CIT: variants seen among roughly 807,000 people sequenced by gnomAD.
CIT encodes citron Rho-interacting kinase.
In CIT, 79 loss-of-function variants were observed where a neutral mutation model predicts 272.7. The observed-to-expected ratio is 0.29, with a 90% CI of 0.24 to 0.35. The LOEUF (loss-of-function observed/expected upper bound fraction) is 0.35. Among genes scored for constraint, CIT ranks in the 10% least tolerant of loss-of-function variants. CIT has a pLI of 1.00. For synonymous variants in CIT, 948 were observed against 995.6 expected, an observed-to-expected ratio of 0.95 and a Z score of 0.90; for missense variants, 1,909 against 2,618.3, an observed-to-expected ratio of 0.73 and a Z score of 5.91.
intron 4 of CIT, among the ~76,000 whole-genome samples, chr12:119,853,265 A>C (rs755204915): frequency 6.6e-6 from 1 of 151,534 alleles, no homozygotes; most frequent in Non-Finnish European, 1.5e-5. Context: ...CAGAGGTTGC[A>C]GTGAGCAGAG....
At chr12:119,746,430 G>A (rs1959416385) in intron 23 of CIT, among the ~76,000 whole-genome samples, 1 of 152,172 alleles carries the variant, frequency 6.6e-6, no homozygotes. Flanking sequence ...GCCAGTCTCT[G>A]CTCTAAATGA....
chr12:119,757,864 C>T (rs1176761109), intron 21 of CIT, among the ~76,000 whole-genome samples: 1 of 151,978 alleles, frequency 6.6e-6, no homozygotes, highest in Non-Finnish European at 1.5e-5. Context: ...TGTGTAGGGA[C>T]AGAAGGGGGC....
At chr12:119,735,100 A>C in intron 25 of CIT, 60 bp downstream of exon 25, 5 of 1,530,234 alleles carry the variant, frequency 3.3e-6, no homozygotes, top group Non-Finnish European at 4.5e-6. Context: ...CGCACCAAGC[A>C]CTCCTAAAAT....
At chr12:119,868,954 C>G (rs763794278) in intron 3 of CIT, 106 bp downstream of exon 3, 1 of 1,348,002 alleles carries the variant, frequency 7.4e-7, no homozygotes, top group Non-Finnish European at 1.0e-6. Context: ...TATATAGAAC[C>G]AGAGTTCTTA....
At chr12:119,752,539 C>T (rs1448336320) in intron 22 of CIT, among the ~76,000 whole-genome samples, 1 of 152,158 alleles carries the variant, frequency 6.6e-6, no homozygotes, top group Non-Finnish European at 1.5e-5. Context: ...CAGCAAGAAT[C>T]ACTAATGAAA....
At chr12:119,740,422 T>C (rs1366697680) in intron 24 of CIT, among the ~76,000 whole-genome samples, 1 of 152,186 alleles carries the variant, frequency 6.6e-6, no homozygotes, top group Non-Finnish European at 1.5e-5. Flanking sequence ...TGGATAACCT[T>C]ATTATCCAAA....
chr12:119,848,377 C>G (rs955939155), intron 5 of CIT, among the ~76,000 whole-genome samples: 1 of 152,208 alleles, frequency 6.6e-6, no homozygotes, highest in Non-Finnish European at 1.5e-5. Flanking sequence ...CCCTCTTACC[C>G]TTTTCTCTTA....
chr12:119,718,656 C>G lies in CIT; in HGVS notation c.4003+43G>C. 6.2e-7 allele frequency: 1 copy of G among 1,610,236 alleles called. No homozygotes were observed. The highest frequency in any genetic ancestry group is 2.2e-5 in the East Asian group (1 of 44,834). ...GATCTCACTGAGATCAATCCTCTGC[C>G]TTTTCCACATCCTTGAGCATTTTGG... On this transcript the variant is annotated intron_variant, in intron 31 of 47. Coordinates refer to ENST00000392521, the MANE Select transcript of CIT (RefSeq NM_001206999.2). This position sits in a 1 kb window ranked among gnomAD's most constrained non-coding sequence, Gnocchi z 4.8.
At chr12:119,836,928 C>T (rs1408872315) in intron 5 of CIT, among the ~76,000 whole-genome samples, 2 of 152,204 alleles carry the variant, frequency 1.3e-5, no homozygotes, top group African/African-American at 4.8e-5. Context: ...GATCCAACTT[C>T]CTGAACTGAA....
chr12:119,871,105 C>T (rs1226294454), intron 2 of CIT, among the ~76,000 whole-genome samples: 3 of 136,386 alleles, frequency 2.2e-5, no homozygotes, highest in African/African-American at 5.6e-5. Context: ...GGCGACAGGG[C>T]GACAGTCTGT....
rs1218026929 is a variant in CIT at position 119,850,204 on chromosome 12, A to G, written c.486T>C (p.Tyr162=). ...AAAGGTGATTTTTGTCCTGAAAGGC[A>G]TACTGTAATTGGGGGATCCACGGGC... The part of the protein sequence containing the change: ...STSPWIPQLQ[Y]AFQDKNHLYL... The change falls in exon 5 of 48, where the codon TAT becomes TAC. Residue 162 remains tyrosine (Y), a synonymous_variant. Transcript: ENST00000392521. The G allele has an allele frequency of 6.2e-7, 1 of 1,612,950 alleles. No homozygotes were observed. The highest frequency in any genetic ancestry group is 1.1e-5 in the South Asian group (1 of 91,040).
chr12:119,705,435 C>A lies in CIT; in HGVS notation c.5212-980G>T, dbSNP rs903876939. ...GTACAGTGGGAGAATGAAGATGGGC[C>A]GGGATAAGGGAGGAACACACAAGAA... On this transcript the variant is annotated intron_variant, in intron 40 of 47. Coordinates refer to ENST00000392521, the MANE Select transcript of CIT (RefSeq NM_001206999.2). Among the ~76,000 whole-genome samples, 10 of 151,982 alleles carry A rather than the reference C, an allele frequency of 6.6e-5. No homozygotes were observed. In the East Asian group the frequency reaches 1.9e-3, roughly 29 times the overall value.
At position 119,804,686 on chromosome 12, in the gene CIT, C is replaced by T. The variant is rs943632938; in HGVS notation, c.1112-1297G>A. 1.3e-5 allele frequency among the ~76,000 whole-genome samples: 2 copies of T among 152,170 alleles called. No individual in the cohort carries two copies. The highest frequency in any genetic ancestry group is 4.8e-5 in the African/African-American group (2 of 41,446). On this transcript the variant is annotated intron_variant, in intron 9 of 47. Transcript: ENST00000392521. The surrounding 1 kb of genome is among the most constrained non-coding windows in gnomAD (Gnocchi z 5.3). The stretch of plus-strand genomic sequence containing the variant: ...AAATCTGGCTGTTTCCAAAGTTCCC[C>T]GATGACAACAACATCCAAGTGGCGC...
intron 7 of CIT, among the ~76,000 whole-genome samples, chr12:119,830,922 A>G (rs1180341042): frequency 6.6e-6 from 1 of 152,204 alleles, no homozygotes; most frequent in East Asian, 1.9e-4. Context: ...GCTGGAATGC[A>G]ATGGTGCAAA....
At chr12:119,791,562 G>A (rs1473153522) in intron 10 of CIT, among the ~76,000 whole-genome samples, 1 of 152,164 alleles carries the variant, frequency 6.6e-6, no homozygotes, top group Non-Finnish European at 1.5e-5. Flanking sequence ...AAAAGAACAT[G>A]CAGCCTGCCC....
At chr12:119,854,840 A>C (rs1196153840) in intron 4 of CIT, among the ~76,000 whole-genome samples, 1 of 152,092 alleles carries the variant, frequency 6.6e-6, no homozygotes, top group African/African-American at 2.4e-5. Context: ...AATCCCAGCT[A>C]TTCAGGAGGC....
At chr12:119,783,828 G>T in intron 12 of CIT, 80 bp downstream of exon 12, 1 of 1,476,046 alleles carries the variant, frequency 6.8e-7, no homozygotes, top group Non-Finnish European at 9.1e-7. Flanking sequence ...TGTGCCTCAT[G>T]GAGCCATCAT....
intron 4 of CIT, 100 bp from the exon 5 acceptor site, chr12:119,850,375 TAAA>T (rs34256172): frequency 3.2e-5 from 9 of 281,724 alleles, no homozygotes; most frequent in Non-Finnish European, 4.4e-5. Flanking sequence ...TTTCTAGCTT[TAAA>T]AAAAAAAAAA....
Position 119,822,982 on chromosome 12 carries a change from A to T in CIT, c.958-9T>A, listed in dbSNP as rs374942948. Reference sequence around the variant, plus strand: ...GGAAATTTCAAAAACCGCTGTTCCAAAAAAAATAAGAGAATTATTTCCTTA... The same window carrying T: ...GGAAATTTCAAAAACCGCTGTTCCATAAAAAATAAGAGAATTATTTCCTTA... On this transcript the variant is annotated splice_polypyrimidine_tract_variant and intron_variant, in intron 8 of 47. Coordinates refer to ENST00000392521, the MANE Select transcript of CIT (RefSeq NM_001206999.2). 1.2e-5 allele frequency: 19 copies of T among 1,598,858 alleles called. No individual in the cohort carries two copies. The African/African-American group carries it at 2.6e-4, about 22-fold the overall frequency.
Sources: gnomAD v4.1 joint callset for allele counts (sites outside exome capture counted in the v4.1 genomes callset) on GRCh38, gnomAD v4.1.1 for gene constraint, Gnocchi (gnomAD v3.1) non-coding constraint, MANE v1.5 for transcripts, NCBI Gene and HGNC (gene_info 2026-07-23, HGNC 2026-07-21) for gene names.